GALNTL6: variants seen among roughly 807,000 people sequenced by gnomAD.
GALNTL6 encodes the protein polypeptide N-acetylgalactosaminyltransferase like 6.
A neutral mutation model predicts 73.7 loss-of-function variants in GALNTL6; 46 were observed. That is an observed-to-expected ratio of 0.62 (90% confidence interval 0.49 to 0.80). GALNTL6 has a LOEUF of 0.80. Ranked by LOEUF, GALNTL6 falls within the 30% of genes least tolerant of loss-of-function variation. The pLI is 0.00. For synonymous variants in GALNTL6, 259 were observed against 263.7 expected, an observed-to-expected ratio of 0.98 and a Z score of 0.17; for missense variants, 604 against 755.0, an observed-to-expected ratio of 0.80 and a Z score of 2.34.
At chr4:171,822,246 G>A (rs1171610958) in intron 2 of GALNTL6, among the ~76,000 whole-genome samples, 1 of 152,300 alleles carries the variant, frequency 6.6e-6, no homozygotes, top group Non-Finnish European at 1.5e-5. Flanking sequence ...TATGGAGTTA[G>A]CATTTTTTTC....
At chr4:172,370,664 C>T (rs761206403) in intron 5 of GALNTL6, among the ~76,000 whole-genome samples, 36 of 143,748 alleles carry the variant, frequency 2.5e-4, no homozygotes, top group African/African-American at 8.9e-4. Context: ...GTTTGAAAGG[C>T]ATTGTCTGAC....
chr4:172,239,744 A>T (rs911144508), intron 3 of GALNTL6, among the ~76,000 whole-genome samples: 16 of 152,094 alleles, frequency 1.1e-4, no homozygotes, highest in Admixed American at 6.6e-5. Flanking sequence ...TTTCCTCTTA[A>T]TGCTGCGTTG....
intron 2 of GALNTL6, among the ~76,000 whole-genome samples, chr4:172,159,762 T>C (rs1318549165): frequency 6.6e-6 from 1 of 152,138 alleles, no homozygotes; most frequent in Admixed American, 6.6e-5. Context: ...TGAAGGGTGG[T>C]AGGGAGGAAG....
chr4:173,010,697 C>T (rs1041105358), intron 11 of GALNTL6, among the ~76,000 whole-genome samples: 34 of 151,990 alleles, frequency 2.2e-4, no homozygotes, highest in Admixed American at 1.1e-3. Flanking sequence ...CTGGTTCAAA[C>T]GATTCTCCTT....
At chr4:172,020,490 T>C (rs935967327) in intron 2 of GALNTL6, among the ~76,000 whole-genome samples, 1 of 151,390 alleles carries the variant, frequency 6.6e-6, no homozygotes, top group Non-Finnish European at 1.5e-5. Context: ...TGACAATTGA[T>C]ACTGTAGAAA....
intron 2 of GALNTL6, among the ~76,000 whole-genome samples, chr4:171,838,046 TTTTG>T (rs1735145715): frequency 6.6e-6 from 1 of 152,152 alleles, no homozygotes; most frequent in South Asian, 2.1e-4. Flanking sequence ...CCCTTCACTC[TTTTG>T]TTTGTTTCTT....
At chr4:172,109,924 T>C (rs1401368976) in intron 2 of GALNTL6, among the ~76,000 whole-genome samples, 2 of 152,186 alleles carry the variant, frequency 1.3e-5, no homozygotes, top group Non-Finnish European at 2.9e-5. Flanking sequence ...AGTATGTAAT[T>C]TTATTAAAAC....
At chr4:172,159,579 TTATGACC>T (rs1183375154) in intron 2 of GALNTL6, among the ~76,000 whole-genome samples, 12 of 152,276 alleles carry the variant, frequency 7.9e-5, no homozygotes, top group African/African-American at 2.9e-4. Context: ...GAACAGCATG[TTATGACC>T]TTTGGGTTGA....
intron 5 of GALNTL6, among the ~76,000 whole-genome samples, chr4:172,521,731 C>T (rs2110818891): frequency 6.6e-6 from 1 of 152,194 alleles, no homozygotes; most frequent in East Asian, 1.9e-4. Flanking sequence ...CAGATGTGAC[C>T]TTGTACAATT....
chr4:172,180,107 G>A (rs1014176360), intron 2 of GALNTL6, among the ~76,000 whole-genome samples: 1 of 152,206 alleles, frequency 6.6e-6, no homozygotes, highest in African/African-American at 2.4e-5. Flanking sequence ...TCCAGCATCT[G>A]TTGTTTCCTG....
chr4:172,401,285 T>C (rs556223795), intron 5 of GALNTL6, among the ~76,000 whole-genome samples: 1 of 152,274 alleles, frequency 6.6e-6, no homozygotes, highest in South Asian at 2.1e-4. Flanking sequence ...TCTTGGCTTC[T>C]ATAAAGTTTT....
At chr4:171,957,245 T>A (rs570868628) in intron 2 of GALNTL6, among the ~76,000 whole-genome samples, 18 of 152,348 alleles carry the variant, frequency 1.2e-4, no homozygotes, top group African/African-American at 4.1e-4. Context: ...TTAAATCATG[T>A]TAAATTAATA....
chr4:172,202,851 A>C (rs965940914), intron 2 of GALNTL6, among the ~76,000 whole-genome samples: 4 of 152,262 alleles, frequency 2.6e-5, no homozygotes, highest in Non-Finnish European at 4.4e-5. Context: ...TGATTTCTAC[A>C]TGAAAGTTAT....
At position 172,700,213 on chromosome 4, in the gene GALNTL6, T is replaced by A. The variant is rs1026456888; in HGVS notation, c.554-109148T>A. Reference sequence around the variant, plus strand: ...GTAACCAAACAGAGTCAACATGGCCTCCCTGTTTGACTTTATTCTGGGTCA... The same window carrying A: ...GTAACCAAACAGAGTCAACATGGCCACCCTGTTTGACTTTATTCTGGGTCA... On this transcript the variant is annotated intron_variant, in intron 5 of 12. Coordinates refer to ENST00000506823, the MANE Select transcript of GALNTL6 (RefSeq NM_001034845.3). Among the ~76,000 whole-genome samples the A allele has an allele frequency of 3.9e-5, 6 of 152,250 alleles. No individual in the cohort carries two copies. In the Middle Eastern group the frequency reaches 0.017, roughly 435 times the overall value.
chr4:172,971,551 G>C (rs974969023), intron 10 of GALNTL6, among the ~76,000 whole-genome samples: 1 of 152,156 alleles, frequency 6.6e-6, no homozygotes, highest in African/African-American at 2.4e-5. Flanking sequence ...AGCAGAATAC[G>C]TTTGCTGATT....
chr4:172,851,767 C>T (rs1353456936), intron 7 of GALNTL6, among the ~76,000 whole-genome samples: 1 of 152,180 alleles, frequency 6.6e-6, no homozygotes. Flanking sequence ...GTTTGATTCA[C>T]CCACATTGGC....
intron 5 of GALNTL6, among the ~76,000 whole-genome samples, chr4:172,769,483 A>G (rs2043782): frequency 0.48 from 72,901 of 151,926 alleles, 18,324 homozygotes; most frequent in African/African-American, 0.63. Flanking sequence ...ACCATTTCAG[A>G]AAGAAATCAG....
At chr4:172,064,982 G>C (rs550259710) in intron 2 of GALNTL6, among the ~76,000 whole-genome samples, 3 of 152,122 alleles carry the variant, frequency 2.0e-5, no homozygotes, top group Non-Finnish European at 2.9e-5. Context: ...GTTAAAAGTA[G>C]TCATGAGCAT....
intron 5 of GALNTL6, among the ~76,000 whole-genome samples, chr4:172,483,449 C>T (rs1376463784): frequency 1.3e-5 from 2 of 152,160 alleles, no homozygotes; most frequent in South Asian, 2.1e-4. Context: ...AATCTGGACA[C>T]GTATATAAAG....
Sources: gnomAD v4.1 joint callset for allele counts (sites outside exome capture counted in the v4.1 genomes callset) on GRCh38, gnomAD v4.1.1 for gene constraint, MANE v1.5 for transcripts, NCBI Gene and HGNC (gene_info 2026-07-23, HGNC 2026-07-21) for gene names.